The following PTPRJ variants were observed in gnomAD, a reference collection of about 807,000 sequenced individuals.
PTPRJ encodes the protein receptor-type tyrosine-protein phosphatase eta.
A neutral mutation model predicts 141.3 loss-of-function variants in PTPRJ; 129 were observed. The observed-to-expected ratio is 0.91, with a 90% CI of 0.79 to 1.06. The LOEUF (loss-of-function observed/expected upper bound fraction) is 1.06. Ranked by LOEUF, PTPRJ falls within the 50% of genes least tolerant of loss-of-function variation. PTPRJ has a pLI of 0.00. For missense variants in PTPRJ, 1,601 were observed against 1,679.7 expected, an observed-to-expected ratio of 0.95 and a Z score of 0.82; for synonymous variants, 610 against 640.5, an observed-to-expected ratio of 0.95 and a Z score of 0.72.
chr11:48,037,586 C>T (rs1006799497), intron 1 of PTPRJ, among the ~76,000 whole-genome samples: 3 of 152,238 alleles, frequency 2.0e-5, no homozygotes, highest in South Asian at 2.1e-4. Context: ...CCGAGGTGGG[C>T]GGATCACTTG....
At position 48,145,146 on chromosome 11, in the gene PTPRJ, T is replaced by C; in HGVS notation, c.2911+22T>C. 3 of 1,613,052 alleles carry C rather than the reference T, an allele frequency of 1.9e-6. No homozygotes were observed. The Middle Eastern group carries it at 5.7e-4, about 304-fold the overall frequency. On this transcript the variant is annotated intron_variant, in intron 14 of 24. Transcript: ENST00000418331. The stretch of plus-strand genomic sequence containing the variant: ...CCAGGTAGGGAGAAGACAACAGTCC[T>C]GGCACTGGTTCAGTGGCATTTTGCT...
chr11:48,137,936 C>G (rs1857142899), intron 10 of PTPRJ, among the ~76,000 whole-genome samples: 1 of 152,128 alleles, frequency 6.6e-6, no homozygotes, highest in African/African-American at 2.4e-5. Context: ...AGAGAAGAGC[C>G]CTCTGTGTAA....
rs1857965353 is a variant in PTPRJ, at chr11:48,168,217, G to C, written c.*855G>C. ...AGAATTTCTGTGGGTGGGAATGGGA[G>C]AAGCAGAGGAATCCTACAGTGGCAG... On this transcript the variant is annotated 3_prime_UTR_variant, in exon 25 of 25. Coordinates refer to ENST00000418331, the MANE Select transcript of PTPRJ (RefSeq NM_002843.4). The C allele has an allele frequency of 6.6e-6, 1 of 152,110 alleles. No individual in the cohort carries two copies. Among genetic ancestry groups the C allele is most frequent in the Non-Finnish European group, 1.5e-5 (1 of 68,024 alleles). The allele number at this position is 152,110 out of a possible 1,614,324, so 9.4% of individuals were successfully genotyped here.
At chr11:48,128,095 C>G (rs1277749414) in intron 7 of PTPRJ, 52 bp downstream of exon 7, 2 of 1,556,514 alleles carry the variant, frequency 1.3e-6, no homozygotes, top group Non-Finnish European at 1.8e-6. Context: ...TGCTCCGTGC[C>G]AGGCCCAGAC....
chr11:48,090,159 A>G (rs1248703579), intron 1 of PTPRJ, among the ~76,000 whole-genome samples: 4 of 152,108 alleles, frequency 2.6e-5, no homozygotes. Flanking sequence ...GCCTGGGAGC[A>G]GCCCTCGAGG....
rs1376005458 is a variant in PTPRJ at position 48,120,997 on chromosome 11, A to G, written c.353-6A>G. On this transcript the variant is annotated splice_region_variant and splice_polypyrimidine_tract_variant and intron_variant, in intron 3 of 24. Transcript: ENST00000418331. ...AATAATTTTTTTTTTTTTTTTAACA[A>G]TATAGGGCCCAGTCCTGTGTTTGAC... is the stretch of plus-strand genomic sequence containing the variant. 3.2e-6 allele frequency: 5 copies of G among 1,558,144 alleles called. No individual in the cohort carries two copies. The highest frequency in any genetic ancestry group is 4.3e-6 in the Non-Finnish European group (5 of 1,151,908).
chr11:47,987,583 C>G (rs1228016), intron 1 of PTPRJ, among the ~76,000 whole-genome samples: 3 of 152,192 alleles, frequency 2.0e-5, no homozygotes, highest in Admixed American at 2.0e-4. Context: ...CCCTGCTGCC[C>G]GCTTCAGAGA....
At chr11:48,019,474 G>C (rs1752669191) in intron 1 of PTPRJ, among the ~76,000 whole-genome samples, 1 of 151,792 alleles carries the variant, frequency 6.6e-6, no homozygotes, top group South Asian at 2.1e-4. Context: ...TGCCTGTTCA[G>C]CAATCACATT....
chr11:48,152,344 T>C (rs1429756282), intron 18 of PTPRJ, among the ~76,000 whole-genome samples: 2 of 152,212 alleles, frequency 1.3e-5, no homozygotes, highest in Non-Finnish European at 2.9e-5. Context: ...TTTCTGGATA[T>C]TAGCCCTTTG....
chr11:48,008,601 G>A (rs899719790), intron 1 of PTPRJ, among the ~76,000 whole-genome samples: 2 of 150,326 alleles, frequency 1.3e-5, no homozygotes, highest in Non-Finnish European at 3.0e-5. Flanking sequence ...TTTTGCTCTT[G>A]TTGCCCAGGC....
rs1437431894 is a variant in PTPRJ at position 48,160,107 on chromosome 11, G to A, written c.3558+58G>A. ...GTAATTACCATATGTTAATTTGGGG[G>A]TGATATGTTTTAGGTTGATATTAAC... On this transcript the variant is annotated intron_variant, in intron 22 of 24. Transcript: ENST00000418331. 9.4e-6 allele frequency: 15 copies of A among 1,589,716 alleles called. No homozygotes were observed. In the Admixed American group the frequency reaches 1.8e-4, roughly 19 times the overall value.
intron 2 of PTPRJ, among the ~76,000 whole-genome samples, chr11:48,111,280 C>CA (rs10554961): frequency 0.012 from 781 of 66,782 alleles, 2 homozygotes; most frequent in African/African-American, 0.017. Flanking sequence ...AACTCCATCT[C>CA]AAAAAAAAAA....
chr11:48,031,584 T>A (rs1227984912), intron 1 of PTPRJ, among the ~76,000 whole-genome samples: 1 of 152,182 alleles, frequency 6.6e-6, no homozygotes, highest in Non-Finnish European at 1.5e-5. Context: ...ATGAAGCACT[T>A]GGATGCAAAG....
At chr11:47,994,035 T>C (rs1854267022) in intron 1 of PTPRJ, among the ~76,000 whole-genome samples, 1 of 151,708 alleles carries the variant, frequency 6.6e-6, no homozygotes, top group Non-Finnish European at 1.5e-5. Flanking sequence ...TAGTTTTTTG[T>C]ATTTTAGTAG....
chr11:48,000,335 G>C (rs923848889), intron 1 of PTPRJ, among the ~76,000 whole-genome samples: 10 of 150,860 alleles, frequency 6.6e-5, no homozygotes, highest in Non-Finnish European at 1.5e-5. Context: ...TGTAGAGATG[G>C]GGGTCTCACT....
chr11:47,990,584 G>A (rs1283974096), intron 1 of PTPRJ, among the ~76,000 whole-genome samples: 1 of 151,190 alleles, frequency 6.6e-6, no homozygotes, highest in African/African-American at 2.4e-5. Flanking sequence ...GCTAATTTTT[G>A]TAGTTTTAGT....
intron 1 of PTPRJ, among the ~76,000 whole-genome samples, chr11:48,080,260 C>T (rs887591378): frequency 1.5e-4 from 23 of 152,174 alleles, no homozygotes; most frequent in African/African-American, 5.5e-4. Flanking sequence ...TACTATGGAA[C>T]AAATCTTAAC....
chr11:48,084,722 T>C (rs7118232), intron 1 of PTPRJ, among the ~76,000 whole-genome samples: 107,120 of 151,356 alleles, frequency 0.71, 39,535 homozygotes, highest in South Asian at 0.84. Flanking sequence ...TTGTGAAACT[T>C]GGAGTACGTA....
intron 1 of PTPRJ, among the ~76,000 whole-genome samples, chr11:48,102,931 T>G (rs1856185389): frequency 6.6e-6 from 1 of 151,972 alleles, no homozygotes; most frequent in African/African-American, 2.4e-5. Flanking sequence ...GAGTCCAGGA[T>G]TTGTATTTTA....
Sources: gnomAD v4.1 joint callset for allele counts (sites outside exome capture counted in the v4.1 genomes callset) on GRCh38, gnomAD v4.1.1 for gene constraint, MANE v1.5 for transcripts, NCBI Gene and HGNC (gene_info 2026-07-23, HGNC 2026-07-21) for gene names.